The following SORCS1 variants were observed in gnomAD, a reference collection of about 807,000 sequenced individuals.
SORCS1 encodes sortilin related VPS10 domain containing receptor 1.
In SORCS1, 60 loss-of-function variants were observed where a neutral mutation model predicts 146.1. The observed-to-expected ratio is 0.41, with a 90% CI of 0.33 to 0.51. The LOEUF is 0.51. Ranked by LOEUF, SORCS1 falls within the 20% of genes least tolerant of loss-of-function variation. The pLI, the probability that SORCS1 is intolerant of heterozygous loss-of-function variation, is 0.21. For synonymous variants in SORCS1, 637 were observed against 584.0 expected (o/e 1.09, Z -1.31); for missense variants, 1,352 against 1,487.6 (o/e 0.91, Z 1.50).
chr10:106,697,561 A>G (rs892587791), intron 9 of SORCS1, among the ~76,000 whole-genome samples: 1 of 152,164 alleles, frequency 6.6e-6, no homozygotes, highest in Non-Finnish European at 1.5e-5. Flanking sequence ...AATAATATAA[A>G]TGTTTTGGGC....
chr10:106,964,963 G>A (rs1018130357), intron 1 of SORCS1, among the ~76,000 whole-genome samples: 7 of 150,574 alleles, frequency 4.6e-5, no homozygotes, highest in Non-Finnish European at 7.4e-5. Flanking sequence ...GTAGAATGCC[G>A]TTTGCAGCAA....
rs185011892 is a variant in SORCS1 at position 107,090,358 on chromosome 10, T to C, written c.558+73611A>G. Among the ~76,000 whole-genome samples, 126 of 152,290 alleles carry C rather than the reference T, an allele frequency of 8.3e-4. 1 individual carries two copies. Among genetic ancestry groups the C allele is most frequent in the Admixed American group, 4.6e-3 (71 of 15,306 alleles). ...CCATGTAAGTTGTGGAGAAATCAAA[T>C]GTTTCCCTTATGTGACTAATCATTT... On this transcript the variant is annotated intron_variant, in intron 1 of 25. Transcript: ENST00000263054.
At chr10:107,063,124 T>A (rs1017277763) in intron 1 of SORCS1, among the ~76,000 whole-genome samples, 24 of 152,326 alleles carry the variant, frequency 1.6e-4, no homozygotes, top group African/African-American at 5.5e-4. Context: ...ACATACATGC[T>A]TATGCACATC....
At chr10:106,764,266 T>G (rs1859372366) in intron 4 of SORCS1, among the ~76,000 whole-genome samples, 1 of 152,186 alleles carries the variant, frequency 6.6e-6, no homozygotes, top group Non-Finnish European at 1.5e-5. Context: ...CCCTAAAAAA[T>G]TAATTGTCCA....
At chr10:107,152,819 T>G (rs1253570720) in intron 1 of SORCS1, among the ~76,000 whole-genome samples, 1 of 152,226 alleles carries the variant, frequency 6.6e-6, no homozygotes, top group East Asian at 1.9e-4. Flanking sequence ...ATACACTCAC[T>G]GACACTTTTG....
intron 1 of SORCS1, among the ~76,000 whole-genome samples, chr10:107,064,200 T>C (rs75649129): frequency 0.023 from 3,460 of 152,246 alleles, 120 homozygotes; most frequent in African/African-American, 0.077. Flanking sequence ...ATAGAAAAGA[T>C]TGAATACGGT....
At chr10:106,801,041 G>A (rs4917487) in intron 3 of SORCS1, among the ~76,000 whole-genome samples, 14,340 of 152,062 alleles carry the variant, frequency 0.094, 1,185 homozygotes, top group African/African-American at 0.21. Flanking sequence ...ACCTTTCATC[G>A]TCTTTAGTTC....
At position 106,611,968 on chromosome 10, in the gene SORCS1, C is replaced by T. The variant is rs781562067; in HGVS notation, c.2976G>A (p.Pro992=). The part of the protein sequence containing the change: ...SFSPNLDDYN[P]DIPEWRRDIG... ...TGTCCCTCCTCCACTCAGGGATGTCCGGGTTGTAGTCATCCAGGTTTGGAG... is the reference window on the plus strand; with the variant it reads ...TGTCCCTCCTCCACTCAGGGATGTCTGGGTTGTAGTCATCCAGGTTTGGAG... Residue 992 remains proline (P), a synonymous_variant, in exon 22 of 26, where the codon CCG becomes CCA. Coordinates refer to ENST00000263054, the MANE Select transcript of SORCS1 (RefSeq NM_052918.5). 1.5e-5 allele frequency: 25 copies of T among 1,613,898 alleles called. No homozygotes were observed. The highest frequency in any genetic ancestry group is 2.2e-5 in the East Asian group (1 of 44,882).
At chr10:106,601,740 TG>T (rs1434935659) in intron 23 of SORCS1, among the ~76,000 whole-genome samples, 7 of 152,210 alleles carry the variant, frequency 4.6e-5, no homozygotes, top group African/African-American at 1.4e-4. Flanking sequence ...GGACACTGGC[TG>T]GTGGAGCGGC....
At chr10:107,157,711 C>A (rs533089597) in intron 1 of SORCS1, among the ~76,000 whole-genome samples, 1 of 152,186 alleles carries the variant, frequency 6.6e-6, no homozygotes, top group African/African-American at 2.4e-5. Flanking sequence ...TCATTCTAAA[C>A]GTTGCACTCT....
chr10:106,750,769 A>AAAAGAAAAG (rs1858128727), intron 5 of SORCS1, among the ~76,000 whole-genome samples: 1 of 123,552 alleles, frequency 8.1e-6, no homozygotes, highest in East Asian at 2.8e-4. Context: ...AAAGAAAAGA[A>AAAAGAAAAG]AAAGAAAAGG....
At chr10:106,718,991 G>C (rs980754123) in intron 6 of SORCS1, among the ~76,000 whole-genome samples, 1 of 152,170 alleles carries the variant, frequency 6.6e-6, no homozygotes, top group Non-Finnish European at 1.5e-5. Context: ...GCACTGATTA[G>C]TGCGTTTACA....
chr10:107,058,540 T>C (rs1960871201), intron 1 of SORCS1, among the ~76,000 whole-genome samples: 1 of 152,226 alleles, frequency 6.6e-6, no homozygotes. Context: ...CAGGCTGTCT[T>C]ACTATCTCAG....
At chr10:106,987,990 C>T (rs7091926) in intron 1 of SORCS1, among the ~76,000 whole-genome samples, 7,408 of 152,214 alleles carry the variant, frequency 0.049, 593 homozygotes, top group African/African-American at 0.17. Flanking sequence ...TATACTGACC[C>T]TGTTATAGTA....
chr10:106,626,042 A>G (rs1199304371), intron 19 of SORCS1, among the ~76,000 whole-genome samples: 2 of 152,180 alleles, frequency 1.3e-5, no homozygotes, highest in Non-Finnish European at 2.9e-5. Context: ...CAGAAACACT[A>G]TGCAGGAACA....
At chr10:106,824,300 A>G (rs1451857181) in intron 3 of SORCS1, among the ~76,000 whole-genome samples, 2 of 144,062 alleles carry the variant, frequency 1.4e-5, no homozygotes, top group African/African-American at 5.2e-5. Context: ...TCTCAAAAAA[A>G]AAAAAAAAAG....
At chr10:107,006,453 A>T (rs1292963181) in intron 1 of SORCS1, among the ~76,000 whole-genome samples, 1 of 152,234 alleles carries the variant, frequency 6.6e-6, no homozygotes, top group African/African-American at 2.4e-5. Context: ...GAAGGGTAAT[A>T]AGTAGTAAGT....
rs147252134 is a variant in SORCS1, at chr10:106,702,646, T to C, written c.1234-3253A>G. Among the ~76,000 whole-genome samples, 277 of 152,378 alleles carry C rather than the reference T, an allele frequency of 1.8e-3. 1 individual carries two copies. Among genetic ancestry groups the C allele is most frequent in the African/African-American group, 6.3e-3 (264 of 41,600 alleles). The stretch of plus-strand genomic sequence containing the variant: ...ATCCTTCCTTTGTTTCATGTAATTA[T>C]GTTGTACAGCCATTTTCAAATGATA... On this transcript the variant is annotated intron_variant, in intron 8 of 25. Coordinates refer to ENST00000263054, the MANE Select transcript of SORCS1 (RefSeq NM_052918.5).
At chr10:106,964,128 G>T (rs1170440496) in intron 1 of SORCS1, among the ~76,000 whole-genome samples, 1 of 152,154 alleles carries the variant, frequency 6.6e-6, no homozygotes, top group Non-Finnish European at 1.5e-5. Context: ...TTAAGAAAAG[G>T]TCAAGTCTTC....
Sources: allele counts gnomAD v4.1 joint callset (sites outside exome capture counted in the v4.1 genomes callset), GRCh38; gene constraint gnomAD v4.1.1; transcripts MANE v1.5; gene names NCBI Gene and HGNC (gene_info 2026-07-23, HGNC 2026-07-21).